The following TMED2 variants were observed in gnomAD, a reference collection of about 807,000 sequenced individuals.
TMED2 encodes the protein transmembrane p24 trafficking protein 2.
A neutral mutation model predicts 17.5 loss-of-function variants in TMED2; 3 were observed. That is an observed-to-expected ratio of 0.17 (90% CI 0.08 to 0.44). The LOEUF is 0.44. Among genes scored for constraint, TMED2 ranks in the 20% least tolerant of loss-of-function variants. TMED2 has a pLI of 0.99. For synonymous variants in TMED2, 95 were observed against 91.0 expected (o/e 1.04, Z -0.25); for missense variants, 149 against 254.8 (o/e 0.58, Z 2.83).
At chr12:123,588,359 T>G (rs1390249140) in intron 2 of TMED2, among the ~76,000 whole-genome samples, 1 of 152,186 alleles carries the variant, frequency 6.6e-6, no homozygotes, top group Non-Finnish European at 1.5e-5. Context: ...GATTTTGAAA[T>G]CTATAGAATT....
Position 123,586,957 on chromosome 12 carries a change from A to G in TMED2, c.373+18A>G. Reference sequence around the variant, plus strand: ...AACAGAAGGTGAGATGAACATTCAGAAGATTTACATCACATTCCAAGAGCT... The same window carrying G: ...AACAGAAGGTGAGATGAACATTCAGGAGATTTACATCACATTCCAAGAGCT... On this transcript the variant is annotated intron_variant, in intron 2 of 3. Coordinates refer to ENST00000262225, the MANE Select transcript of TMED2 (RefSeq NM_006815.4). The G allele has an allele frequency of 6.4e-7, 1 of 1,569,764 alleles. No homozygotes were observed. The highest frequency in any genetic ancestry group is 2.3e-5 in the East Asian group (1 of 44,116).
chr12:123,596,189 T>A (rs904492499), intron 3 of TMED2, among the ~76,000 whole-genome samples: 3 of 152,212 alleles, frequency 2.0e-5, no homozygotes, highest in Non-Finnish European at 4.4e-5. Flanking sequence ...AACCATTCTG[T>A]TTTTTACTTT....
intron 2 of TMED2, among the ~76,000 whole-genome samples, chr12:123,588,832 C>CCA (rs1013059006): frequency 5.3e-5 from 8 of 152,170 alleles, no homozygotes. Flanking sequence ...GGAGACAATG[C>CCA]CACTGCTGAG....
chr12:123,586,463 G>T, intron 1 of TMED2: 1 of 175,886 alleles, frequency 5.7e-6, no homozygotes. Context: ...CGATTTTCCT[G>T]CCTCAGCCTC....
rs1886320987 is a variant in TMED2, at chr12:123,585,312, C to T, written c.180+496C>T. On this transcript the variant is annotated intron_variant, in intron 1 of 3. Coordinates refer to ENST00000262225, the MANE Select transcript of TMED2 (RefSeq NM_006815.4). Reference sequence around the variant, plus strand: ...ACCTATTGAGTGCTAGGCATACTTTCGCGTTGTGTTTATTTTTCATAGAAG... The same window carrying T: ...ACCTATTGAGTGCTAGGCATACTTTTGCGTTGTGTTTATTTTTCATAGAAG... 3.3e-5 allele frequency among the ~76,000 whole-genome samples: 5 copies of T among 152,172 alleles called. No homozygotes were observed. The South Asian group carries it at 1.0e-3, about 32-fold the overall frequency.
rs1226003610 is a variant in TMED2 at position 123,597,157 on chromosome 12, T to G, written c.*428T>G. 1 of 152,600 alleles carries G rather than the reference T, an allele frequency of 6.6e-6. No individual in the cohort carries two copies. Among genetic ancestry groups the G allele is most frequent in the Admixed American group, 6.5e-5 (1 of 15,292 alleles). 9.5% of individuals were successfully genotyped at this position (152,600 alleles called of 1,614,324 possible). ...CAAGTCACTAAAGATTCATTTTTGTTGAGTCCTTATGAGAAACAGCAGTAT... is the reference window on the plus strand; with the variant it reads ...CAAGTCACTAAAGATTCATTTTTGTGGAGTCCTTATGAGAAACAGCAGTAT... On this transcript the variant is annotated 3_prime_UTR_variant, in exon 4 of 4. Transcript: ENST00000262225.
At chr12:123,584,966 G>T (rs1234800962) in intron 1 of TMED2, 150 bp downstream of exon 1, 8 of 1,025,908 alleles carry the variant, frequency 7.8e-6, no homozygotes, top group Non-Finnish European at 1.1e-5. Flanking sequence ...CCCCCGCCCC[G>T]CCCCGGCCAC....
intron 2 of TMED2, among the ~76,000 whole-genome samples, chr12:123,588,418 C>CT (rs1333325423): frequency 2.0e-4 from 30 of 152,018 alleles, no homozygotes; most frequent in African/African-American, 7.3e-4. Context: ...TTCAGGGCCA[C>CT]TTATAGGGTA....
rs1953434748 is a variant in TMED2 at position 123,596,882 on chromosome 12, C to T, written c.*153C>T. 1.7e-5 allele frequency: 16 copies of T among 947,782 alleles called. 1 individual carries two copies. The South Asian group carries it at 4.7e-4, about 28-fold the overall frequency. 58.7% of individuals were successfully genotyped at this position (947,782 alleles called of 1,614,324 possible). A position where few individuals can be genotyped will look rare whatever the true frequency, so the allele number is the denominator to read the frequency against. On this transcript the variant is annotated 3_prime_UTR_variant, in exon 4 of 4. Transcript: ENST00000262225. ...TTAATAGATATTGGGGGAAAAACGCCTTTTTAGGAAAATTATAGTGAAAAT... is the reference window on the plus strand; with the variant it reads ...TTAATAGATATTGGGGGAAAAACGCTTTTTTAGGAAAATTATAGTGAAAAT...
intron 2 of TMED2, among the ~76,000 whole-genome samples, chr12:123,588,597 T>C (rs923116858): frequency 3.3e-5 from 5 of 152,212 alleles, no homozygotes; most frequent in African/African-American, 1.2e-4. Flanking sequence ...CTTTTGCTTG[T>C]TAATGTCAGT....
chr12:123,589,746 T>C (rs1329095335), intron 2 of TMED2, among the ~76,000 whole-genome samples: 2 of 151,586 alleles, frequency 1.3e-5, no homozygotes. Context: ...AGTTATTTTA[T>C]ATTATTTTAT....
chr12:123,587,317 G>A (rs143269373), intron 2 of TMED2, among the ~76,000 whole-genome samples: 22,153 of 152,006 alleles, frequency 0.15, 1,870 homozygotes, highest in African/African-American at 0.23. Context: ...TGGTAGAGAC[G>A]GGGTTTCACC....
intron 2 of TMED2, among the ~76,000 whole-genome samples, chr12:123,587,987 A>G (rs1156315608): frequency 6.6e-6 from 1 of 152,226 alleles, no homozygotes; most frequent in Admixed American, 6.5e-5. Context: ...GTAGAAAGTC[A>G]TTTTGTAGAC....
intron 3 of TMED2, among the ~76,000 whole-genome samples, chr12:123,593,810 T>A (rs1458557640): frequency 6.6e-6 from 1 of 152,018 alleles, no homozygotes; most frequent in Non-Finnish European, 1.5e-5. Flanking sequence ...ATTTTCTTTT[T>A]AGAGACACAG....
intron 3 of TMED2, 95 bp downstream of exon 3, chr12:123,590,544 A>G: frequency 2.0e-6 from 2 of 992,590 alleles, no homozygotes; most frequent in South Asian, 3.1e-5. Context: ...AAACTTTGCA[A>G]ATTTTATGTG....
chr12:123,584,824 C>T lies in TMED2; in HGVS notation c.180+8C>T. The T allele has an allele frequency of 6.2e-7, 1 of 1,607,128 alleles. No individual in the cohort carries two copies. The highest frequency in any genetic ancestry group is 8.5e-7 in the Non-Finnish European group (1 of 1,179,702). ...CTGGACATCGACGTGGAGGTGCGGG[C>T]TAGCTGCCCGCAGCTGAGGCTTGGT... On this transcript the variant is annotated splice_region_variant and intron_variant, in intron 1 of 3. Coordinates refer to ENST00000262225, the MANE Select transcript of TMED2 (RefSeq NM_006815.4).
intron 3 of TMED2, among the ~76,000 whole-genome samples, chr12:123,594,356 G>A (rs1191777187): frequency 2.0e-5 from 3 of 150,628 alleles, no homozygotes; most frequent in Non-Finnish European, 3.0e-5. Context: ...GGATGGTCTC[G>A]ATCTCCTGAC....
rs1953445261 is a variant in TMED2, at chr12:123,598,141, A to G, written c.*1412A>G. On this transcript the variant is annotated 3_prime_UTR_variant, in exon 4 of 4. Transcript: ENST00000262225. ...TAAATAAACAATTCTTTTTAAAAAC[A>G]GTATTCTGTGTTTTATATATTGACA... 1 of 152,556 alleles carries G rather than the reference A, an allele frequency of 6.6e-6. No individual in the cohort carries two copies. The highest frequency in any genetic ancestry group is 1.5e-5 in the Non-Finnish European group (1 of 68,042). 9.5% of individuals were successfully genotyped at this position (152,556 alleles called of 1,614,324 possible).
chr12:123,586,777 A>C lies in TMED2; in HGVS notation c.211A>C (p.Lys71Gln), dbSNP rs1412873426. Residue 71 changes from lysine to glutamine, a missense_variant, in exon 2 of 4, where the codon AAA becomes CAA. Transcript: ENST00000262225. ...AGGACCAGATAACAAAGGAATTTAC[A>C]AAGGAGACAGAGAATCCAGTGGGAA... Reference protein sequence around the residue: ...ITGPDNKGIYKGDRESSGKYT... With the variant: ...ITGPDNKGIYQGDRESSGKYT... 6.2e-7 allele frequency: 1 copy of C among 1,605,012 alleles called. No individual in the cohort carries two copies.
Sources: gnomAD v4.1 joint callset for allele counts (sites outside exome capture counted in the v4.1 genomes callset) on GRCh38, gnomAD v4.1.1 for gene constraint, MANE v1.5 for transcripts, NCBI Gene and HGNC (gene_info 2026-07-23, HGNC 2026-07-21) for gene names.